DAAM1: variants seen among roughly 807,000 people sequenced by gnomAD.
DAAM1 encodes dishevelled associated activator of morphogenesis 1, also known as disheveled-associated activator of morphogenesis 1.
Under a neutral mutation model 130.0 loss-of-function variants are expected in DAAM1, and 52 were observed. That is an observed-to-expected ratio of 0.40 (90% CI 0.32 to 0.50). The LOEUF is 0.50. Ranked by LOEUF, DAAM1 falls within the 20% of genes least tolerant of loss-of-function variation. The pLI, the probability that DAAM1 is intolerant of heterozygous loss-of-function variation, is 0.61. For synonymous variants in DAAM1, 452 were observed against 444.5 expected (o/e 1.02, Z -0.21); for missense variants, 1,134 against 1,303.8 (o/e 0.87, Z 2.01).
intron 8 of DAAM1, 57 bp from the exon 9 acceptor site, chr14:59,325,607 A>C: frequency 6.9e-7 from 1 of 1,451,392 alleles, no homozygotes; most frequent in East Asian, 2.3e-5. Context: ...CCTCAGTCTT[A>C]TGCACCTGTG....
intron 24 of DAAM1, 43 bp from the exon 25 acceptor site, chr14:59,368,607 C>A: frequency 3.2e-6 from 5 of 1,576,746 alleles, no homozygotes; most frequent in Non-Finnish European, 4.3e-6. Context: ...CAAAATGCAA[C>A]ATTTTGACAT....
intron 22 of DAAM1, chr14:59,362,914 C>G (rs967165166): frequency 3.9e-5 from 6 of 152,168 alleles, no homozygotes; most frequent in African/African-American, 1.4e-4. Flanking sequence ...ATATAGCCCT[C>G]CAAACCTTAA....
intron 16 of DAAM1, among the ~76,000 whole-genome samples, chr14:59,345,906 A>G (rs550721580): frequency 4.6e-5 from 7 of 152,212 alleles, no homozygotes; most frequent in Non-Finnish European, 8.8e-5. Flanking sequence ...TGCTTTGGAA[A>G]GTGATCATAA....
chr14:59,189,301 C>T (rs1156644473), intron 1 of DAAM1, among the ~76,000 whole-genome samples: 1 of 152,242 alleles, frequency 6.6e-6, no homozygotes, highest in African/African-American at 2.4e-5. Context: ...GTGCCCCTGG[C>T]ACCCTCACTT....
intron 1 of DAAM1, among the ~76,000 whole-genome samples, chr14:59,196,190 G>T (rs1887884532): frequency 6.6e-6 from 1 of 152,094 alleles, no homozygotes; most frequent in Non-Finnish European, 1.5e-5. Flanking sequence ...TGTGTGTTTG[G>T]GTGCTACTTC....
rs200603327 is a variant in DAAM1 at position 59,241,806 on chromosome 14, G to A, written c.-37-21635G>A. Among the ~76,000 whole-genome samples, 11 of 152,246 alleles carry A rather than the reference G, an allele frequency of 7.2e-5. No homozygotes were observed. In the East Asian group the frequency reaches 2.1e-3, roughly 29 times the overall value. ...ATCATGTGACCTTCGTTCTAGACTT[G>A]GGAGTTACGTGTAGACTTTTATACT... On this transcript the variant is annotated intron_variant, in intron 1 of 24. Transcript: ENST00000360909.
chr14:59,253,447 A>G (rs967377137), intron 1 of DAAM1, among the ~76,000 whole-genome samples: 2 of 152,220 alleles, frequency 1.3e-5, no homozygotes. Flanking sequence ...TTGAAATTGT[A>G]TTAAAGTAAT....
chr14:59,361,900 A>G (rs2139684926), intron 22 of DAAM1, among the ~76,000 whole-genome samples: 1 of 152,102 alleles, frequency 6.6e-6, no homozygotes, highest in East Asian at 1.9e-4. Context: ...TTCGTTTTTG[A>G]ATCACAAAAC....
At position 59,243,713 on chromosome 14, in the gene DAAM1, A is replaced by G. The variant is rs535661175; in HGVS notation, c.-37-19728A>G. Among the ~76,000 whole-genome samples, 4 of 152,342 alleles carry G rather than the reference A, an allele frequency of 2.6e-5. No individual in the cohort carries two copies. The South Asian group carries it at 8.3e-4, about 32-fold the overall frequency. On this transcript the variant is annotated intron_variant, in intron 1 of 24. Transcript: ENST00000360909. ...TACTGGATGTTTCCTTTCTCTCAGC[A>G]ATCACTGGTCTGTAGTACCTTTGTC...
rs1887139559 is a variant in DAAM1, at chr14:59,370,831, ATTC to A, written c.*1975_*1977del. ...CCTTAACTAAAGTGCCTCTATGTATATTCTTTTCTATTTGTAGCAGGATAAATT... is the reference window on the plus strand; with the variant it reads ...CCTTAACTAAAGTGCCTCTATGTATATTTTCTATTTGTAGCAGGATAAATT... On this transcript the variant is annotated 3_prime_UTR_variant, in exon 25 of 25. Coordinates refer to ENST00000360909, the MANE Select transcript of DAAM1 (RefSeq NM_001270520.2). 6.6e-6 allele frequency: 1 copy of A among 152,152 alleles called. No individual in the cohort carries two copies. Among genetic ancestry groups the A allele is most frequent in the African/African-American group, 2.4e-5 (1 of 41,442 alleles). 9.4% of individuals were successfully genotyped at this position (152,152 alleles called of 1,614,324 possible). A position where few individuals can be genotyped will look rare whatever the true frequency, so the allele number is the denominator to read the frequency against.
At chr14:59,270,534 G>A (rs77662850) in intron 2 of DAAM1, among the ~76,000 whole-genome samples, 1 of 152,228 alleles carries the variant, frequency 6.6e-6, no homozygotes, top group African/African-American at 2.4e-5. Context: ...CTCCAATATT[G>A]GGGATCAGAT....
At chr14:59,355,653 A>C (rs1368391571) in intron 20 of DAAM1, among the ~76,000 whole-genome samples, 1 of 152,004 alleles carries the variant, frequency 6.6e-6, no homozygotes, top group Non-Finnish European at 1.5e-5. Context: ...ACTTTTTATT[A>C]TAATATACTA....
intron 1 of DAAM1, among the ~76,000 whole-genome samples, chr14:59,237,594 G>T (rs1381082140): frequency 6.6e-6 from 1 of 152,114 alleles, no homozygotes; most frequent in Non-Finnish European, 1.5e-5. Context: ...GGATATTTAC[G>T]CTATTGGGCC....
At chr14:59,329,834 C>T (rs1485620233) in intron 12 of DAAM1, among the ~76,000 whole-genome samples, 1 of 152,310 alleles carries the variant, frequency 6.6e-6, no homozygotes, top group East Asian at 1.9e-4. Context: ...ATGATTTTCG[C>T]GTTCTACTGA....
At chr14:59,353,643 ACT>A (rs1179495454) in intron 18 of DAAM1, among the ~76,000 whole-genome samples, 1 of 151,976 alleles carries the variant, frequency 6.6e-6, no homozygotes, top group Non-Finnish European at 1.5e-5. Flanking sequence ...GGCGCTAAGG[ACT>A]CTGCTGCAGT....
chr14:59,241,326 A>G (rs1052786150), intron 1 of DAAM1, among the ~76,000 whole-genome samples: 1 of 152,204 alleles, frequency 6.6e-6, no homozygotes, highest in African/African-American at 2.4e-5. Context: ...TTTCACAACT[A>G]TTTTTGGAAC....
At chr14:59,253,539 T>TA (rs1334763364) in intron 1 of DAAM1, among the ~76,000 whole-genome samples, 2 of 152,246 alleles carry the variant, frequency 1.3e-5, no homozygotes, top group Non-Finnish European at 1.5e-5. Flanking sequence ...AACATGAACA[T>TA]ATAAAGACCT....
chr14:59,226,029 C>T (rs925086300), intron 1 of DAAM1, among the ~76,000 whole-genome samples: 5 of 152,074 alleles, frequency 3.3e-5, no homozygotes, highest in Non-Finnish European at 7.3e-5. Flanking sequence ...AACATATACT[C>T]GAAATGTGTT....
chr14:59,338,796 G>T (rs1379150405), intron 15 of DAAM1, among the ~76,000 whole-genome samples: 1 of 151,988 alleles, frequency 6.6e-6, no homozygotes, highest in Admixed American at 6.6e-5. Context: ...ATATGAAAAA[G>T]GCTTGATGGT....
Sources: gnomAD v4.1 joint callset for allele counts (sites outside exome capture counted in the v4.1 genomes callset) on GRCh38, gnomAD v4.1.1 for gene constraint, MANE v1.5 for transcripts, NCBI Gene and HGNC (gene_info 2026-07-23, HGNC 2026-07-21) for gene names.